RAP1GAP: variants seen among roughly 807,000 people sequenced by gnomAD.
RAP1GAP encodes the protein rap1 GTPase-activating protein 1.
A neutral mutation model predicts 87.2 loss-of-function variants in RAP1GAP; 35 were observed. The ratio of observed to expected loss-of-function variants is 0.40; its 90% CI spans 0.31 to 0.53. The LOEUF is 0.53. RAP1GAP is among the 20% of genes least tolerant of loss of function. RAP1GAP has a pLI of 0.48. For missense variants in RAP1GAP, 734 were observed against 898.9 expected (o/e 0.82, Z 2.35); for synonymous variants, 375 against 363.9 (o/e 1.03, Z -0.35).
intron 2 of RAP1GAP, among the ~76,000 whole-genome samples, chr1:21,635,875 T>A (rs1235474465): frequency 1.3e-5 from 2 of 152,148 alleles, no homozygotes; most frequent in Admixed American, 6.5e-5. Context: ...AAAAATTGGG[T>A]CTCAGGCCGG....
chr1:21,649,634 G>T (rs915104391), intron 2 of RAP1GAP, 127 bp downstream of exon 2: 5 of 1,118,582 alleles, frequency 4.5e-6, no homozygotes, highest in Non-Finnish European at 6.5e-6. Context: ...CCACCCCCTT[G>T]CCCTGAGAGG....
chr1:21,613,559 C>G lies in RAP1GAP; in HGVS notation c.474+69G>C. On this transcript the variant is annotated intron_variant, in intron 9 of 24. Coordinates refer to ENST00000374765, the MANE Select transcript of RAP1GAP (RefSeq NM_002885.4). The surrounding 1 kb of genome is among the most constrained non-coding windows in gnomAD (Gnocchi z 4.7). Reference sequence around the variant, plus strand: ...TACAGCTGAAGGGGACGCGCCAAGGCAAGCTGAAGCCCCACAGGTGCCCAT... The same window carrying G: ...TACAGCTGAAGGGGACGCGCCAAGGGAAGCTGAAGCCCCACAGGTGCCCAT... The G allele has an allele frequency of 7.0e-7, 1 of 1,434,204 alleles. No homozygotes were observed. Among genetic ancestry groups the G allele is most frequent in the Non-Finnish European group, 9.8e-7 (1 of 1,017,762 alleles). 88.8% of individuals were successfully genotyped at this position (1,434,204 alleles called of 1,614,324 possible). A position where few individuals can be genotyped will look rare whatever the true frequency, so the allele number is the denominator to read the frequency against.
intron 20 of RAP1GAP, among the ~76,000 whole-genome samples, chr1:21,600,369 C>T (rs2067146334): frequency 6.6e-6 from 1 of 152,184 alleles, no homozygotes. Flanking sequence ...GTTCACCTAC[C>T]CGGCTCTTTA....
At chr1:21,654,362 G>A (rs1412138441) in intron 1 of RAP1GAP, among the ~76,000 whole-genome samples, 3 of 152,210 alleles carry the variant, frequency 2.0e-5, no homozygotes, top group African/African-American at 4.8e-5. Context: ...TCACCTGTGC[G>A]ACCTTGGTCA....
At chr1:21,624,699 C>T (rs538441538) in intron 3 of RAP1GAP, among the ~76,000 whole-genome samples, 1 of 152,296 alleles carries the variant, frequency 6.6e-6, no homozygotes, top group East Asian at 1.9e-4. Flanking sequence ...GGTTCAGAGC[C>T]CGCTGTCTGA....
intron 1 of RAP1GAP, among the ~76,000 whole-genome samples, chr1:21,661,931 G>T (rs1278834488): frequency 6.6e-6 from 1 of 152,224 alleles, no homozygotes; most frequent in Non-Finnish European, 1.5e-5. Flanking sequence ...GGGCAGAGAA[G>T]TCTCTTGGAA....
intron 1 of RAP1GAP, among the ~76,000 whole-genome samples, chr1:21,656,632 G>C (rs1216785332): frequency 6.6e-6 from 1 of 152,102 alleles, no homozygotes. Context: ...GGGAAGAGTG[G>C]GTGTGACTTG....
chr1:21,625,818 C>T (rs2091760128), intron 3 of RAP1GAP, among the ~76,000 whole-genome samples: 1 of 152,176 alleles, frequency 6.6e-6, no homozygotes, highest in African/African-American at 2.4e-5. Flanking sequence ...CAAGGCTTGG[C>T]ATGAAGCAGG....
intron 2 of RAP1GAP, among the ~76,000 whole-genome samples, chr1:21,635,471 A>C (rs931359015): frequency 5.4e-4 from 82 of 152,142 alleles, no homozygotes; most frequent in African/African-American, 1.9e-3. Flanking sequence ...CTGGGATCAG[A>C]GTGGGGTGAA....
rs1200622834 is a variant in RAP1GAP at position 21,608,290 on chromosome 1, A to C, written c.1219T>G (p.Ser407Ala). 3 of 1,613,880 alleles carry C rather than the reference A, an allele frequency of 1.9e-6. No homozygotes were observed. The highest frequency in any genetic ancestry group is 4.5e-5 in the East Asian group (2 of 44,882). ...TCGTCGCCGCCCAAGCCCATCATGG[A>C]CTGGCTGTGGATGTGTAGTTCCTCA... Reference protein sequence around the residue: ...LYEELHIHSQSMMGLGGDEDK... With the variant: ...LYEELHIHSQAMMGLGGDEDK... The change falls in exon 17 of 25, where the codon TCC becomes GCC. Residue 407 changes from serine to alanine, a missense_variant. Coordinates refer to ENST00000374765, the MANE Select transcript of RAP1GAP (RefSeq NM_002885.4).
intron 2 of RAP1GAP, among the ~76,000 whole-genome samples, chr1:21,631,028 C>T (rs1381726972): frequency 2.0e-5 from 3 of 152,060 alleles, no homozygotes; most frequent in Non-Finnish European, 4.4e-5. Flanking sequence ...CTCTGCAGAC[C>T]ACCCACAATG....
chr1:21,602,579 C>A (rs368899406), intron 19 of RAP1GAP, among the ~76,000 whole-genome samples: 6 of 152,216 alleles, frequency 3.9e-5, no homozygotes, highest in Non-Finnish European at 8.8e-5. Flanking sequence ...TGGGCAAGCC[C>A]CTTGACTCCT....
intron 3 of RAP1GAP, 31 bp downstream of exon 3, chr1:21,626,273 A>G (rs2091998549): frequency 6.5e-7 from 1 of 1,542,634 alleles, no homozygotes; most frequent in African/African-American, 1.4e-5. Flanking sequence ...GGGGCAGACC[A>G]GGGGCCGTAG....
At chr1:21,666,456 A>T (rs12125201) in intron 1 of RAP1GAP, among the ~76,000 whole-genome samples, 27,824 of 152,182 alleles carry the variant, frequency 0.18, 2,701 homozygotes, top group South Asian at 0.23. Context: ...GAGACAGCAA[A>T]GGAGCAGCCT....
chr1:21,610,434 A>G (rs1323160032), intron 13 of RAP1GAP, among the ~76,000 whole-genome samples, 159 bp from the exon 14 acceptor site: 1 of 152,110 alleles, frequency 6.6e-6, no homozygotes, highest in African/African-American at 2.4e-5. Flanking sequence ...TCTTAAAACT[A>G]TTTTAGTTGA....
chr1:21,600,458 G>A (rs545940403), intron 20 of RAP1GAP, among the ~76,000 whole-genome samples: 2 of 152,326 alleles, frequency 1.3e-5, no homozygotes, highest in African/African-American at 2.4e-5. Context: ...TGCAGGGACA[G>A]TTTCCTCACT....
chr1:21,640,138 C>T (rs904227584), intron 2 of RAP1GAP, among the ~76,000 whole-genome samples: 3 of 150,276 alleles, frequency 2.0e-5, no homozygotes, highest in Non-Finnish European at 3.0e-5. Context: ...TCCTCAAACC[C>T]GAGGTGCTCC....
chr1:21,638,372 G>A (rs528952818), intron 2 of RAP1GAP, among the ~76,000 whole-genome samples: 35 of 150,918 alleles, frequency 2.3e-4, no homozygotes, highest in African/African-American at 7.8e-4. Flanking sequence ...CAGGAGAATC[G>A]CTTGAACCCA....
At chr1:21,624,436 C>T (rs999445057) in intron 3 of RAP1GAP, among the ~76,000 whole-genome samples, 2 of 152,180 alleles carry the variant, frequency 1.3e-5, no homozygotes, top group African/African-American at 4.8e-5. Flanking sequence ...AGGGATTTGC[C>T]CACTGGCAGA....
Sources: gnomAD v4.1 joint callset for allele counts (sites outside exome capture counted in the v4.1 genomes callset) on GRCh38, gnomAD v4.1.1 for gene constraint, Gnocchi (gnomAD v3.1) non-coding constraint, MANE v1.5 for transcripts, NCBI Gene and HGNC (gene_info 2026-07-23, HGNC 2026-07-21) for gene names.